Variants in C12orf50 observed in about 807,000 individuals in gnomAD.
C12orf50 encodes the protein uncharacterized protein C12orf50.
In C12orf50, 35 loss-of-function variants were observed where a neutral mutation model predicts 61.6. The ratio of observed to expected loss-of-function variants is 0.57; its 90% CI spans 0.43 to 0.75. The LOEUF (loss-of-function observed/expected upper bound fraction) is 0.75, where lower values mean the gene tolerates loss of function less well. Among genes scored for constraint, C12orf50 ranks in the 30% least tolerant of loss-of-function variants. The probability of loss-of-function intolerance (pLI) is 0.00; values close to 1 mark genes in which losing one functional copy is unlikely to be tolerated. For missense variants in C12orf50, 475 were observed against 488.5 expected, an observed-to-expected ratio of 0.97 and a Z score of 0.26; for synonymous variants, 178 against 161.5, an observed-to-expected ratio of 1.10 and a Z score of -0.77.
chr12:88,021,835 C>T (rs1462994849), intron 3 of C12orf50, among the ~76,000 whole-genome samples: 1 of 151,884 alleles, frequency 6.6e-6, no homozygotes, highest in Non-Finnish European at 1.5e-5. Context: ...AGTTCTATAA[C>T]TGTATAAGTA....
chr12:88,010,091 A>G (rs936968555), intron 3 of C12orf50, among the ~76,000 whole-genome samples: 1 of 151,998 alleles, frequency 6.6e-6, no homozygotes, highest in African/African-American at 2.4e-5. Context: ...CGTTTCCATA[A>G]TGTAGTGGTT....
chr12:87,988,773 G>C (rs2136411581), intron 8 of C12orf50, among the ~76,000 whole-genome samples: 1 of 152,204 alleles, frequency 6.6e-6, no homozygotes, highest in Non-Finnish European at 1.5e-5. Flanking sequence ...GCGACTGAGA[G>C]GCACTCAGCA....
rs1565738781 is a variant in C12orf50 at position 87,985,857 on chromosome 12, GA to G, written c.1118del (p.Leu373ProfsTer47). On this transcript the variant is annotated frameshift_variant, in exon 11 of 13. Coordinates refer to ENST00000298699, the MANE Select transcript of C12orf50 (RefSeq NM_152589.3). LOFTEE classifies it high-confidence loss of function. ...ATCAACAAAGGACCTCACCTGGACT[GA>G]GGTTGGGTTTGGGTTCCCTGTTAGC... is the stretch of plus-strand genomic sequence containing the variant. The part of the protein sequence containing the change: ...VHANREPKPN[L>X]SPDKYTSTSY... 1 of 1,612,644 alleles carries G rather than the reference GA, an allele frequency of 6.2e-7. No individual in the cohort carries two copies. The highest frequency in any genetic ancestry group is 2.2e-5 in the East Asian group (1 of 44,874).
chr12:87,989,747 T>C (rs967828490), intron 7 of C12orf50, among the ~76,000 whole-genome samples: 1 of 152,134 alleles, frequency 6.6e-6, no homozygotes, highest in Non-Finnish European at 1.5e-5. Flanking sequence ...GAACTTCTAT[T>C]TTCCAGGATA....
At chr12:88,021,511 G>C (rs967964627) in intron 3 of C12orf50, among the ~76,000 whole-genome samples, 1 of 152,054 alleles carries the variant, frequency 6.6e-6, no homozygotes, top group African/African-American at 2.4e-5. Context: ...GGTGGTGCAT[G>C]CCTGTTATCC....
chr12:87,980,288 T>C lies in C12orf50; in HGVS notation c.*43A>G, dbSNP rs754256338. 1.3e-6 allele frequency: 2 copies of C among 1,581,222 alleles called. No individual in the cohort carries two copies. Among genetic ancestry groups the C allele is most frequent in the Non-Finnish European group, 8.7e-7 (1 of 1,153,872 alleles). ...ATTTTTGATTGTAAATCAGATGATGTCTGGCAATTTTTTCTCATTTTTCTC... is the reference window on the plus strand; with the variant it reads ...ATTTTTGATTGTAAATCAGATGATGCCTGGCAATTTTTTCTCATTTTTCTC... On this transcript the variant is annotated 3_prime_UTR_variant, in exon 13 of 13. Transcript: ENST00000298699.
chr12:88,008,432 A>G (rs2031974724), intron 3 of C12orf50, among the ~76,000 whole-genome samples: 1 of 152,152 alleles, frequency 6.6e-6, no homozygotes, highest in Admixed American at 6.5e-5. Context: ...TCTATGGTGT[A>G]TATGTATTAA....
At chr12:87,988,230 T>C (rs1021042980) in intron 8 of C12orf50, among the ~76,000 whole-genome samples, 4 of 152,200 alleles carry the variant, frequency 2.6e-5, no homozygotes, top group Non-Finnish European at 4.4e-5. Flanking sequence ...ATTTTTACTA[T>C]CTCCATACAA....
At chr12:87,983,804 G>A (rs1033364042) in intron 11 of C12orf50, 1 of 129,408 alleles carries the variant, frequency 7.7e-6, no homozygotes, top group Non-Finnish European at 1.8e-5. Context: ...TGGACATTTG[G>A]GTCGGTTCCA....
chr12:88,015,789 A>G (rs1036223088), intron 3 of C12orf50, among the ~76,000 whole-genome samples: 3 of 152,234 alleles, frequency 2.0e-5, no homozygotes, highest in African/African-American at 7.2e-5. Context: ...AATGATAACC[A>G]GAGAGATTAT....
intron 3 of C12orf50, among the ~76,000 whole-genome samples, chr12:88,020,213 C>T (rs1224078702): frequency 6.6e-6 from 1 of 152,112 alleles, no homozygotes; most frequent in Non-Finnish European, 1.5e-5. Flanking sequence ...TGTAAAGGAG[C>T]TAAATGCACC....
Position 87,986,431 on chromosome 12 carries a change from A to T in C12orf50, c.818-15T>A. On this transcript the variant is annotated splice_polypyrimidine_tract_variant and intron_variant, in intron 9 of 12. Coordinates refer to ENST00000298699, the MANE Select transcript of C12orf50 (RefSeq NM_152589.3). ...GACATCATTCACTTAGAAAAGATAC[A>T]AATTTTACAATTTTTTAAGAGATGC... 6.4e-7 allele frequency: 1 copy of T among 1,571,890 alleles called. No individual in the cohort carries two copies. Among genetic ancestry groups the T allele is most frequent in the Non-Finnish European group, 8.7e-7 (1 of 1,155,740 alleles).
chr12:87,996,097 A>T (rs1402637080), intron 6 of C12orf50, among the ~76,000 whole-genome samples: 1 of 152,214 alleles, frequency 6.6e-6, no homozygotes, highest in Non-Finnish European at 1.5e-5. Flanking sequence ...TTCAAAGACA[A>T]ATAAAATGGT....
At chr12:88,030,206 A>T (rs2032840000), upstream of C12orf50, 1 of 206,638 alleles carries the variant, frequency 4.8e-6, no homozygotes, top group Admixed American at 6.0e-5. Flanking sequence ...AGGCCTCAGA[A>T]TCATGGCAGG....
At chr12:87,980,799 C>G (rs1385355870) in intron 12 of C12orf50, among the ~76,000 whole-genome samples, 3 of 152,160 alleles carry the variant, frequency 2.0e-5, no homozygotes, top group Non-Finnish European at 4.4e-5. Context: ...TGCATTATCC[C>G]CACAGTATCC....
At chr12:87,998,342 C>A in intron 3 of C12orf50, 152 bp from the exon 4 acceptor site, 1 of 511,366 alleles carries the variant, frequency 2.0e-6, no homozygotes. Flanking sequence ...TACACACTAG[C>A]AATGATTAAA....
intron 3 of C12orf50, among the ~76,000 whole-genome samples, chr12:88,009,718 C>G (rs1316384958): frequency 6.6e-6 from 1 of 152,052 alleles, no homozygotes; most frequent in Non-Finnish European, 1.5e-5. Context: ...GTTCTCTGGC[C>G]TTTCTTGTTG....
intron 1 of C12orf50, chr12:88,027,688 A>G (rs1466523152): frequency 6.6e-6 from 1 of 152,224 alleles, no homozygotes. Flanking sequence ...ATATGCCAAC[A>G]AAAGTAGATG....
At chr12:87,996,531 T>A in intron 5 of C12orf50, 38 bp downstream of exon 5, 1 of 1,591,390 alleles carries the variant, frequency 6.3e-7, no homozygotes, top group Non-Finnish European at 8.6e-7. Context: ...ATTTATCACA[T>A]CAAGTATTAG....
Sources: gnomAD v4.1 joint callset for allele counts (sites outside exome capture counted in the v4.1 genomes callset) on GRCh38, gnomAD v4.1.1 for gene constraint, MANE v1.5 for transcripts, NCBI Gene and HGNC (gene_info 2026-07-23, HGNC 2026-07-21) for gene names.